CCDC178: variants seen among roughly 807,000 people sequenced by gnomAD.
CCDC178 encodes the protein coiled-coil domain-containing protein 178.
CCDC178 carries 126 observed loss-of-function variants against 117.4 expected under a neutral mutation model. The observed-to-expected ratio is 1.07, with a 90% CI of 0.93 to 1.24. The LOEUF (loss-of-function observed/expected upper bound fraction) is 1.24. CCDC178 is among the 50% of genes most tolerant of loss of function. The pLI, the probability that CCDC178 is intolerant of heterozygous loss-of-function variation, is 0.00. For missense variants in CCDC178, 1,030 were observed against 986.9 expected (o/e 1.04, Z -0.59); for synonymous variants, 283 against 313.4 (o/e 0.90, Z 1.02).
At chr18:33,140,059 T>C (rs1039253494) in intron 20 of CCDC178, among the ~76,000 whole-genome samples, 3 of 152,198 alleles carry the variant, frequency 2.0e-5, no homozygotes, top group African/African-American at 7.2e-5. Context: ...CCTCAAGCCT[T>C]GGCAGCTTCC....
At chr18:33,429,440 A>G (rs2064174844) in intron 2 of CCDC178, among the ~76,000 whole-genome samples, 3 of 152,148 alleles carry the variant, frequency 2.0e-5, no homozygotes, top group Admixed American at 6.5e-5. Context: ...ACAAGATGAA[A>G]CAAGTTTTGC....
At chr18:33,044,034 C>A (rs1001604598) in intron 21 of CCDC178, among the ~76,000 whole-genome samples, 3 of 150,902 alleles carry the variant, frequency 2.0e-5, no homozygotes, top group African/African-American at 7.3e-5. Context: ...TATATACACA[C>A]ACACACCAGC....
intron 14 of CCDC178, among the ~76,000 whole-genome samples, chr18:33,248,694 C>A (rs2059579682): frequency 6.6e-6 from 1 of 151,978 alleles, no homozygotes; most frequent in African/African-American, 2.4e-5. Context: ...GGTTCCAAGT[C>A]TTTGCTATTT....
chr18:33,185,806 T>G (rs549175492), intron 20 of CCDC178, among the ~76,000 whole-genome samples: 8 of 152,188 alleles, frequency 5.3e-5, no homozygotes, highest in Non-Finnish European at 1.0e-4. Context: ...AGATGTTACA[T>G]AGAAAGTATC....
intron 3 of CCDC178, among the ~76,000 whole-genome samples, chr18:33,402,044 C>T (rs1248944188): frequency 1.3e-5 from 2 of 152,012 alleles, no homozygotes; most frequent in Non-Finnish European, 2.9e-5. Context: ...ATGTGAGGTA[C>T]ATTTGTGGAA....
intron 11 of CCDC178, among the ~76,000 whole-genome samples, chr18:33,314,015 A>G (rs2062380028): frequency 2.7e-5 from 4 of 150,862 alleles, no homozygotes; most frequent in Admixed American, 2.6e-4. Context: ...CCCGGCTAAA[A>G]CGGTGAAATC....
rs950413962 is a variant in CCDC178 at position 33,440,643 on chromosome 18, C to T, written c.-143+10G>A. On this transcript the variant is annotated intron_variant, in intron 1 of 22. Transcript: ENST00000383096. The stretch of plus-strand genomic sequence containing the variant: ...GCGCCCGCGCCGAGGCACAAGCGCC[C>T]CCGACTCACCGGCTCCGCGCGTTTC... 19 of 152,314 alleles carry T rather than the reference C, an allele frequency of 1.2e-4. No homozygotes were observed. Among genetic ancestry groups the T allele is most frequent in the African/African-American group, 4.6e-4 (19 of 41,420 alleles). 9.4% of individuals were successfully genotyped at this position (152,314 alleles called of 1,614,324 possible). A position where few individuals can be genotyped will look rare whatever the true frequency, so the allele number is the denominator to read the frequency against.
chr18:33,433,790 TTGTG>T (rs5823897), intron 2 of CCDC178, among the ~76,000 whole-genome samples: 1 of 149,302 alleles, frequency 6.7e-6, no homozygotes, highest in Non-Finnish European at 1.5e-5. Flanking sequence ...ATAGCAGAAT[TTGTG>T]TGTGTGTGTG....
In CCDC178 at chr18:33,041,589, T is replaced by A. The variant is rs569971670; in HGVS notation, c.2388+51172A>T. On this transcript the variant is annotated intron_variant, in intron 21 of 22. Coordinates refer to ENST00000383096, the MANE Select transcript of CCDC178 (RefSeq NM_001105528.4). ...GTCTAAGAAGAAAATGGCATTATTC[T>A]TTCCATAAATTCTGGAAAATCATGC... 4.4e-4 allele frequency among the ~76,000 whole-genome samples: 67 copies of A among 151,534 alleles called. 1 individual carries two copies. The highest frequency in any genetic ancestry group is 1.5e-3 in the African/African-American group (62 of 41,510).
intron 21 of CCDC178, among the ~76,000 whole-genome samples, chr18:32,975,562 C>G (rs2055013103): frequency 6.6e-6 from 1 of 151,960 alleles, no homozygotes; most frequent in Non-Finnish European, 1.5e-5. Context: ...ACAGTAAAAA[C>G]AGTTTCTTAA....
At chr18:33,341,058 A>G (rs1225439635) in intron 9 of CCDC178, among the ~76,000 whole-genome samples, 5 of 152,170 alleles carry the variant, frequency 3.3e-5, no homozygotes, top group African/African-American at 1.2e-4. Flanking sequence ...AGCAGTCATG[A>G]GGGAGGCTGT....
At chr18:33,326,066 A>G (rs1057332062) in intron 10 of CCDC178, among the ~76,000 whole-genome samples, 1 of 152,210 alleles carries the variant, frequency 6.6e-6, no homozygotes, top group Non-Finnish European at 1.5e-5. Flanking sequence ...GGCTAGATGA[A>G]AGGCAGAATT....
intron 20 of CCDC178, among the ~76,000 whole-genome samples, chr18:33,149,006 T>C (rs983572213): frequency 1.3e-5 from 2 of 152,222 alleles, no homozygotes; most frequent in African/African-American, 2.4e-5. Context: ...AAATGATGTG[T>C]ATAACTCCTA....
rs1014973640 is a variant in CCDC178, at chr18:33,171,653, C to T, written c.2238+40243G>A. ...CTGTAAATTATAGAGGAACCAAACA[C>T]CTCAGCACCTAGCTATGCTGGGGTA... On this transcript the variant is annotated intron_variant, in intron 20 of 22. Coordinates refer to ENST00000383096, the MANE Select transcript of CCDC178 (RefSeq NM_001105528.4). Among the ~76,000 whole-genome samples, 3 of 152,140 alleles carry T rather than the reference C, an allele frequency of 2.0e-5. No homozygotes were observed. The East Asian group carries it at 5.8e-4, about 29-fold the overall frequency.
At chr18:33,047,256 T>C (rs1410189114) in intron 21 of CCDC178, among the ~76,000 whole-genome samples, 1 of 152,170 alleles carries the variant, frequency 6.6e-6, no homozygotes, top group African/African-American at 2.4e-5. Context: ...AAAAGTGAAT[T>C]CAAACCTCAG....
chr18:32,971,198 G>A (rs1188672726), intron 22 of CCDC178, among the ~76,000 whole-genome samples: 7 of 151,092 alleles, frequency 4.6e-5, no homozygotes, highest in Non-Finnish European at 8.9e-5. Context: ...TACAGGCCCT[G>A]GTTTGTGTTG....
chr18:32,976,920 T>C (rs915351025), intron 21 of CCDC178, among the ~76,000 whole-genome samples: 1 of 152,150 alleles, frequency 6.6e-6, no homozygotes, highest in African/African-American at 2.4e-5. Context: ...ACATCCTGAA[T>C]GAAGAGGCCA....
intron 20 of CCDC178, among the ~76,000 whole-genome samples, chr18:33,194,682 T>C (rs2058903703): frequency 1.3e-5 from 2 of 152,158 alleles, no homozygotes; most frequent in Non-Finnish European, 1.5e-5. Flanking sequence ...TCTAGTCAAT[T>C]TCATACAACA....
intron 22 of CCDC178, among the ~76,000 whole-genome samples, chr18:32,973,283 A>G (rs2054966274): frequency 6.6e-6 from 1 of 152,166 alleles, no homozygotes; most frequent in Non-Finnish European, 1.5e-5. Context: ...GGACAAAAAT[A>G]TAGATTTTTC....
Sources: allele counts gnomAD v4.1 joint callset (sites outside exome capture counted in the v4.1 genomes callset), GRCh38; gene constraint gnomAD v4.1.1; transcripts MANE v1.5; gene names NCBI Gene and HGNC (gene_info 2026-07-23, HGNC 2026-07-21).